The following TSHZ2 variants were observed in gnomAD, a reference collection of about 807,000 sequenced individuals.
The protein encoded by TSHZ2 is teashirt homolog 2.
In TSHZ2, 21 loss-of-function variants were observed where a neutral mutation model predicts 74.4. That is an observed-to-expected ratio of 0.28 (90% CI 0.20 to 0.41). The LOEUF is 0.41. Among genes scored for constraint, TSHZ2 ranks in the 10% least tolerant of loss-of-function variants. The pLI, the probability that TSHZ2 is intolerant of heterozygous loss-of-function variation, is 1.00. For missense variants in TSHZ2, 1,244 were observed against 1,293.5 expected, an observed-to-expected ratio of 0.96 and a Z score of 0.59; for synonymous variants, 540 against 515.3, an observed-to-expected ratio of 1.05 and a Z score of -0.65.
chr20:52,973,280 G>C lies in TSHZ2; in HGVS notation c.-14G>C, dbSNP rs1297921774. 3 of 1,552,732 alleles carry C rather than the reference G, an allele frequency of 1.9e-6. No individual in the cohort carries two copies. Among genetic ancestry groups the C allele is most frequent in the Admixed American group, 2.0e-5 (1 of 50,996 alleles). On this transcript the variant is annotated 5_prime_UTR_variant, in exon 1 of 3. Coordinates refer to ENST00000371497, the MANE Select transcript of TSHZ2 (RefSeq NM_173485.6). Reference sequence around the variant, plus strand: ...GGCTGGGGCGCCAGAAGTGGGACTGGAGCGAAGTAGAGGATGCCGAGGAGA... The same window carrying C: ...GGCTGGGGCGCCAGAAGTGGGACTGCAGCGAAGTAGAGGATGCCGAGGAGA...
Position 53,253,627 on chromosome 20 carries a change from G to A in TSHZ2, c.169G>A (p.Gly57Ser), listed in dbSNP as rs1568835718. Residue 57 changes from glycine to serine, a missense_variant, in exon 2 of 3, where the codon GGC becomes AGC. By Grantham distance (56) the Gly-to-Ser change is moderately conservative. Transcript: ENST00000371497. ...AGGGACGGACGAGGAGCTAGAAACG[G>A]GCCCAGAGCAAAAAGGCTGCTTCAG... The part of the protein sequence containing the change: ...DTGTDEELET[G>S]PEQKGCFSYQ... 1.2e-6 allele frequency: 2 copies of A among 1,614,092 alleles called. No homozygotes were observed. The highest frequency in any genetic ancestry group is 1.1e-5 in the South Asian group (1 of 91,080).
chr20:53,134,532 G>C (rs1245901927), intron 1 of TSHZ2, among the ~76,000 whole-genome samples: 1 of 152,056 alleles, frequency 6.6e-6, no homozygotes, highest in Non-Finnish European at 1.5e-5. Context: ...TTTGGAAAGG[G>C]GGGAGTTTGT....
intron 2 of TSHZ2, among the ~76,000 whole-genome samples, chr20:53,370,059 T>A (rs1317958102): frequency 6.6e-6 from 1 of 152,034 alleles, no homozygotes; most frequent in Non-Finnish European, 1.5e-5. Context: ...TAGGTGGGAG[T>A]GTCACGGTGT....
intron 2 of TSHZ2, among the ~76,000 whole-genome samples, chr20:53,283,848 A>T (rs576733753): frequency 6.6e-5 from 10 of 152,286 alleles, no homozygotes; most frequent in Non-Finnish European, 1.3e-4. Context: ...GATTAACCCT[A>T]TTTTTATCCA....
At position 53,253,564 on chromosome 20, in the gene TSHZ2, A is replaced by T; in HGVS notation, c.106A>T (p.Ser36Cys). Reference sequence around the variant, plus strand: ...AAAAGAAGAGGAGGAGGAGGAGGACAGCGGTTCAGTAGCTCAACTGCAGGG... The same window carrying T: ...AAAAGAAGAGGAGGAGGAGGAGGACTGCGGTTCAGTAGCTCAACTGCAGGG... ...EIKEEEEEED[S>C]GSVAQLQGGN... The change falls in exon 2 of 3, where the codon AGC becomes TGC. Residue 36 changes from serine to cysteine, a missense_variant. Physicochemically the swap from Ser to Cys is moderately radical, Grantham distance 112. Coordinates refer to ENST00000371497, the MANE Select transcript of TSHZ2 (RefSeq NM_173485.6). 6.2e-7 allele frequency: 1 copy of T among 1,614,002 alleles called. No individual in the cohort carries two copies. The highest frequency in any genetic ancestry group is 8.5e-7 in the Non-Finnish European group (1 of 1,179,942).
chr20:53,473,769 G>C, intron 2 of TSHZ2, among the ~76,000 whole-genome samples: 1 of 151,950 alleles, frequency 6.6e-6, no homozygotes, highest in Admixed American at 6.6e-5. Context: ...AAAAACTTTA[G>C]AAGAATGTAT....
In TSHZ2 at chr20:53,255,489, C is replaced by T; in HGVS notation, c.2031C>T (p.Ser677=). ...CCCTGGAGCCCACATCTGCTCTGAGCAATGGGTGCGCCCTCGCCAACCACG... is the reference window on the plus strand; with the variant it reads ...CCCTGGAGCCCACATCTGCTCTGAGTAATGGGTGCGCCCTCGCCAACCACG... ...PQPLEPTSAL[S]NGCALANHAP... The change falls in exon 2 of 3, where the codon AGC becomes AGT. Residue 677 remains serine (S), a synonymous_variant. Coordinates refer to ENST00000371497, the MANE Select transcript of TSHZ2 (RefSeq NM_173485.6). The surrounding 1 kb of genome is among the most constrained non-coding windows in gnomAD (Gnocchi z 4.1). 3 of 1,602,272 alleles carry T rather than the reference C, an allele frequency of 1.9e-6. No individual in the cohort carries two copies. The highest frequency in any genetic ancestry group is 2.5e-6 in the Non-Finnish European group (3 of 1,176,760).
intron 1 of TSHZ2, among the ~76,000 whole-genome samples, chr20:53,065,378 C>A (rs903130714): frequency 1.3e-5 from 2 of 152,108 alleles, no homozygotes. Context: ...GATATCTTTT[C>A]CTCCTACCTC....
intron 1 of TSHZ2, chr20:53,185,770 T>TAAGAA: frequency 1.4e-6 from 2 of 1,459,826 alleles, no homozygotes; most frequent in Non-Finnish European, 1.9e-6. Context: ...ACCATTTTCT[T>TAAGAA]AATGGTTTGA....
chr20:53,195,392 G>A (rs1988838516), intron 1 of TSHZ2, among the ~76,000 whole-genome samples: 1 of 152,128 alleles, frequency 6.6e-6, no homozygotes, highest in African/African-American at 2.4e-5. Context: ...ATGGTAAGCT[G>A]ATGAAAACAA....
intron 1 of TSHZ2, among the ~76,000 whole-genome samples, chr20:53,220,931 A>G (rs1176350015): frequency 5.3e-5 from 8 of 152,228 alleles, no homozygotes; most frequent in Non-Finnish European, 1.0e-4. Flanking sequence ...ATGTAGACCC[A>G]GTATTCCCAA....
At chr20:53,352,960 A>G (rs964577762) in intron 2 of TSHZ2, among the ~76,000 whole-genome samples, 5 of 152,242 alleles carry the variant, frequency 3.3e-5, no homozygotes, top group African/African-American at 1.2e-4. Flanking sequence ...TTCTGCTTAT[A>G]TATATTTGCT....
At chr20:53,158,186 AC>A (rs1450366221) in intron 1 of TSHZ2, among the ~76,000 whole-genome samples, 3 of 152,082 alleles carry the variant, frequency 2.0e-5, no homozygotes, top group Non-Finnish European at 4.4e-5. Context: ...CAGCAAGGAG[AC>A]CCGGATGTCT....
chr20:53,047,540 A>G (rs1202808946), intron 1 of TSHZ2, among the ~76,000 whole-genome samples: 1 of 152,146 alleles, frequency 6.6e-6, no homozygotes, highest in African/African-American at 2.4e-5. Context: ...TGTCTAGTGC[A>G]TTGCCACAAA....
chr20:53,239,917 T>A (rs1045326760), intron 1 of TSHZ2, among the ~76,000 whole-genome samples: 1 of 152,112 alleles, frequency 6.6e-6, no homozygotes, highest in Admixed American at 6.6e-5. Context: ...AACTATAAAA[T>A]GTGCGCATAC....
At chr20:53,321,276 AT>A (rs944958157) in intron 2 of TSHZ2, among the ~76,000 whole-genome samples, 6 of 151,462 alleles carry the variant, frequency 4.0e-5, no homozygotes, top group African/African-American at 9.7e-5. Flanking sequence ...ATTCCTTCAT[AT>A]TTTTTTTCTG....
chr20:53,221,896 T>C (rs774120468), intron 1 of TSHZ2, among the ~76,000 whole-genome samples: 2 of 152,230 alleles, frequency 1.3e-5, no homozygotes, highest in Admixed American at 6.5e-5. Flanking sequence ...AGTGTTATAG[T>C]TCATTCAAAT....
At chr20:53,329,606 C>T (rs899631029) in intron 2 of TSHZ2, among the ~76,000 whole-genome samples, 15 of 139,864 alleles carry the variant, frequency 1.1e-4, no homozygotes, top group Non-Finnish European at 2.3e-4. Context: ...GGGATTTGGT[C>T]ATAAACATGG....
intron 2 of TSHZ2, among the ~76,000 whole-genome samples, chr20:53,384,358 C>A (rs1981967611): frequency 6.6e-6 from 1 of 152,204 alleles, no homozygotes; most frequent in African/African-American, 2.4e-5. Context: ...TGAACGAAGC[C>A]ATTCACTTTT....
Sources: allele counts gnomAD v4.1 joint callset (sites outside exome capture counted in the v4.1 genomes callset), GRCh38; gene constraint gnomAD v4.1.1; non-coding constraint Gnocchi (gnomAD v3.1); transcripts MANE v1.5; gene names NCBI Gene and HGNC (gene_info 2026-07-23, HGNC 2026-07-21).